ARSD: variants seen among roughly 807,000 people sequenced by gnomAD.
ARSD encodes testis tissue sperm-binding protein Li 39a.
A neutral mutation model predicts 32.6 loss-of-function variants in ARSD; 21 were observed. The observed-to-expected ratio is 0.64, with a 90% CI of 0.46 to 0.93. The LOEUF (loss-of-function observed/expected upper bound fraction) is 0.93. Ranked by LOEUF, ARSD falls within the 40% of genes least tolerant of loss-of-function variation. The probability of loss-of-function intolerance (pLI) is 0.00; values close to 1 mark genes in which losing one functional copy is unlikely to be tolerated. For synonymous variants in ARSD, 224 were observed against 237.4 expected, an observed-to-expected ratio of 0.94 and a Z score of 0.52; for missense variants, 454 against 520.9, an observed-to-expected ratio of 0.87 and a Z score of 1.25.
rs150423453 is a variant in ARSD at position 2,907,310 on chromosome X, C to G, written c.1743G>C (p.Pro581=). 3 of 1,211,430 alleles carry G rather than the reference C, an allele frequency of 2.5e-6. No homozygotes were observed. Among genetic ancestry groups the G allele is most frequent in the Admixed American group, 4.3e-5 (2 of 46,049 alleles). ...PWLQPCCGHF[P]FCSCHEDGDG... ...CCCCATCCTCGTGGCATGAACAGAA[C>G]GGGAAATGTCCGCAGCACGGCTGCA... Residue 581 remains proline (P), a synonymous_variant, in exon 10 of 10, where the codon CCG becomes CCC. Coordinates refer to ENST00000381154, the MANE Select transcript of ARSD (RefSeq NM_001669.4).
intron 6 of ARSD, chrX:2,913,666 G>A (rs1188214892): frequency 5.0e-5 from 49 of 983,701 alleles, no homozygotes; most frequent in East Asian, 2.1e-4. Flanking sequence ...TGCATTGTCC[G>A]AACTTTATTG....
Position 2,925,239 on chromosome X carries a change from C to T in ARSD, c.194+377G>A, listed in dbSNP as rs1020867333. Among the ~76,000 whole-genome samples the T allele has an allele frequency of 6.3e-5, 7 of 111,852 alleles. No individual in the cohort carries two copies. The East Asian group carries it at 8.5e-4, about 14-fold the overall frequency. Reference sequence around the variant, plus strand: ...CGCAGAGGAGAAGGCCCCGTGGAGACGGAGGCAGAGACTGGAGTGATGTGG... The same window carrying T: ...CGCAGAGGAGAAGGCCCCGTGGAGATGGAGGCAGAGACTGGAGTGATGTGG... On this transcript the variant is annotated intron_variant, in intron 2 of 9. Coordinates refer to ENST00000381154, the MANE Select transcript of ARSD (RefSeq NM_001669.4).
At chrX:2,920,432 G>C in intron 4 of ARSD, 169 bp downstream of exon 4, 2 of 573,078 alleles carry the variant, frequency 3.5e-6, no homozygotes, top group South Asian at 5.2e-5. Flanking sequence ...GTGCAGTGGT[G>C]TGATCTCGGC....
intron 9 of ARSD, 112 bp downstream of exon 9, chrX:2,908,609 C>CCCAT (rs996333658): frequency 3.8e-6 from 3 of 787,768 alleles, no homozygotes; most frequent in East Asian, 3.9e-5. Flanking sequence ...TGTCCATCCA[C>CCCAT]CCATCCATCC....
chrX:2,923,212 G>C (rs956926708), intron 2 of ARSD: 5 of 248,821 alleles, frequency 2.0e-5, no homozygotes, highest in Non-Finnish European at 3.9e-5. Flanking sequence ...GGTGGTTCAC[G>C]CCTGTCATCC....
Position 2,909,986 on chromosome X carries a change from G to A in ARSD, c.1136-7C>T. The A allele has an allele frequency of 1.7e-6, 2 of 1,210,295 alleles. No individual in the cohort carries two copies. Among genetic ancestry groups the A allele is most frequent in the Non-Finnish European group, 1.1e-6 (1 of 894,870 alleles). On this transcript the variant is annotated splice_polypyrimidine_tract_variant and splice_region_variant and intron_variant, in intron 7 of 9. Transcript: ENST00000381154. ...CCTCCCATGCCCTTCCCACCTGTAA[G>A]TAGAAGACATCGTTAGGATTTTGCC... is the stretch of plus-strand genomic sequence containing the variant.
At chrX:2,927,066 G>A (rs756113218) in intron 1 of ARSD, among the ~76,000 whole-genome samples, 8 of 108,766 alleles carry the variant, frequency 7.4e-5, no homozygotes, top group East Asian at 5.8e-4. Context: ...GGAGGGATCC[G>A]GTGTGGCCAG....
rs1209569989 is a variant in ARSD at position 2,917,750 on chromosome X, C to T, written c.863+54G>A. ...CCTCCCGAAGTGCTAGGATGACAGG[C>T]ATGAGCCATCGCGTCCGGCCCCATC... On this transcript the variant is annotated intron_variant, in intron 5 of 9. Coordinates refer to ENST00000381154, the MANE Select transcript of ARSD (RefSeq NM_001669.4). 15 of 1,123,515 alleles carry T rather than the reference C, an allele frequency of 1.3e-5. No homozygotes were observed. The African/African-American group carries it at 1.8e-4, about 14-fold the overall frequency. The allele number at this position is 1,123,515 out of a possible 1,213,427, so 92.6% of individuals were successfully genotyped here.
rs2088859760 is a variant in ARSD, at chrX:2,907,365, G to T, written c.1688C>A (p.Ser563Tyr). 1.6e-6 allele frequency: 2 copies of T among 1,212,162 alleles called. No homozygotes were observed. Among genetic ancestry groups the T allele is most frequent in the African/African-American group, 3.5e-5 (2 of 57,935 alleles). ...CGGCTTCCACAGGATGTTGCTCATG[G>T]AAAACTGCTGGGGCACAGGACTCAG... Reference protein sequence around the residue: ...QTLSPVPQQFSMSNILWKPWL... With the variant: ...QTLSPVPQQFYMSNILWKPWL... The change falls in exon 10 of 10, where the codon TCC becomes TAC. Residue 563 changes from serine (S) to tyrosine (Y), a missense_variant. Physicochemically the swap from Ser to Tyr is moderately radical, Grantham distance 144. Transcript: ENST00000381154.
rs1016582348 is a variant in ARSD at position 2,904,267 on chromosome X, C to T, written c.*3004G>A. The T allele has an allele frequency of 1.8e-5, 2 of 111,097 alleles. No homozygotes were observed. Among genetic ancestry groups the T allele is most frequent in the Non-Finnish European group, 3.8e-5 (2 of 53,043 alleles). The allele number at this position is 111,097 out of a possible 1,213,427, so 9.2% of individuals were successfully genotyped here. A position where few individuals can be genotyped will look rare whatever the true frequency, so the allele number is the denominator to read the frequency against. The stretch of plus-strand genomic sequence containing the variant: ...TGGAAGAATATAGCTGCCAGGTATC[C>T]CAAGTCTAGGGCAGGGAGGGTAGTA... On this transcript the variant is annotated 3_prime_UTR_variant, in exon 10 of 10. Transcript: ENST00000381154.
chrX:2,921,121 G>A (rs748447694), intron 3 of ARSD, among the ~76,000 whole-genome samples: 2 of 110,671 alleles, frequency 1.8e-5, no homozygotes, highest in Admixed American at 9.6e-5. Flanking sequence ...AGCCCCAAAT[G>A]TCCCTCATGC....
intron 3 of ARSD, among the ~76,000 whole-genome samples, chrX:2,921,397 C>T (rs980366760): frequency 8.9e-6 from 1 of 111,944 alleles, no homozygotes; most frequent in Non-Finnish European, 1.9e-5. Flanking sequence ...ATCTATCAAT[C>T]ATCTCTTATC....
At chrX:2,919,395 C>G (rs1163735591) in intron 4 of ARSD, among the ~76,000 whole-genome samples, 2 of 106,687 alleles carry the variant, frequency 1.9e-5, no homozygotes, top group Non-Finnish European at 3.8e-5. Context: ...ATGTGTATGA[C>G]GGGGACAGCA....
At chrX:2,921,682 TC>T (rs2089030201) in intron 3 of ARSD, among the ~76,000 whole-genome samples, 1 of 112,744 alleles carries the variant, frequency 8.9e-6, no homozygotes, top group African/African-American at 3.2e-5. Context: ...TTTAAAATAT[TC>T]CACAGACCTT....
intron 1 of ARSD, among the ~76,000 whole-genome samples, chrX:2,928,501 G>A (rs2089111798): frequency 1.2e-5 from 1 of 84,173 alleles, no homozygotes; most frequent in Admixed American, 1.3e-4. Context: ...AAAGGGCCGG[G>A]GGGCGGGATG....
At chrX:2,922,842 C>CAAA (rs60380048) in intron 2 of ARSD, among the ~76,000 whole-genome samples, 13 of 43,721 alleles carry the variant, frequency 3.0e-4, no homozygotes, top group African/African-American at 5.5e-4. Flanking sequence ...GACCGTGTCT[C>CAAA]AAAAAAAAAA....
chrX:2,922,022 G>A lies in ARSD; in HGVS notation c.197C>T (p.Thr66Met), dbSNP rs747896977. The A allele has an allele frequency of 1.7e-6, 2 of 1,199,431 alleles. No individual in the cohort carries two copies. The highest frequency in any genetic ancestry group is 2.2e-6 in the Non-Finnish European group (2 of 889,980). ...CTCTGCAAGCTGGTCAATATTCGGC[G>A]TTCTGAGCAAAGCACACAAATGTCA... Reference protein sequence around the residue: ...LGCYGNNTLRTPNIDQLAEEG... With the variant: ...LGCYGNNTLRMPNIDQLAEEG... Residue 66 changes from threonine to methionine, a missense_variant and splice_region_variant, in exon 3 of 10, where the codon ACG becomes ATG. Coordinates refer to ENST00000381154, the MANE Select transcript of ARSD (RefSeq NM_001669.4).
intron 1 of ARSD, among the ~76,000 whole-genome samples, chrX:2,928,803 G>A (rs2089118733): frequency 9.0e-6 from 1 of 110,594 alleles, no homozygotes; most frequent in African/African-American, 3.3e-5. Context: ...GTTCGGGGCG[G>A]GTCTTAGGGA....
chrX:2,915,461 G>A, intron 6 of ARSD, 95 bp downstream of exon 6: 1 of 1,129,241 alleles, frequency 8.9e-7, no homozygotes, highest in East Asian at 3.1e-5. Flanking sequence ...ATTCTTTATT[G>A]CAAGTTGGTT....
Sources: gnomAD v4.1 joint callset for allele counts (sites outside exome capture counted in the v4.1 genomes callset) on GRCh38, gnomAD v4.1.1 for gene constraint, MANE v1.5 for transcripts, NCBI Gene and HGNC (gene_info 2026-07-23, HGNC 2026-07-21) for gene names.